Variants in GPC5 observed in about 807,000 individuals in gnomAD.
GPC5 encodes glypican-5.
GPC5 carries 47 observed loss-of-function variants against 53.9 expected under a neutral mutation model. That is an observed-to-expected ratio of 0.87 (90% CI 0.69 to 1.11). GPC5 has a LOEUF of 1.11. Among genes scored for constraint, GPC5 ranks in the 50% most tolerant of loss-of-function variants. The pLI, the probability that GPC5 is intolerant of heterozygous loss-of-function variation, is 0.00. For missense variants in GPC5, 748 were observed against 713.1 expected (o/e 1.05, Z -0.56); for synonymous variants, 286 against 263.3 (o/e 1.09, Z -0.84).
intron 7 of GPC5, among the ~76,000 whole-genome samples, chr13:92,481,045 G>C (rs1594238298): frequency 6.6e-6 from 1 of 152,034 alleles, no homozygotes; most frequent in South Asian, 2.1e-4. Context: ...CACTCAGTGG[G>C]TTCTACTTCA....
rs1187376339 is a variant in GPC5, at chr13:92,362,207, T to C, written c.1561+217218T>C. Among the ~76,000 whole-genome samples the C allele has an allele frequency of 2.0e-5, 3 of 151,722 alleles. 1 individual carries two copies. Among genetic ancestry groups the C allele is most frequent in the African/African-American group, 7.3e-5 (3 of 41,018 alleles). On this transcript the variant is annotated intron_variant, in intron 7 of 7. Coordinates refer to ENST00000377067, the MANE Select transcript of GPC5 (RefSeq NM_004466.6). ...GTTTCAGATATGTTTGTTGAGTTTGTGCATCCATTTTGCAGTGTTTTCCTT... is the reference window on the plus strand; with the variant it reads ...GTTTCAGATATGTTTGTTGAGTTTGCGCATCCATTTTGCAGTGTTTTCCTT...
At chr13:91,537,295 A>C (rs1407983064) in intron 2 of GPC5, among the ~76,000 whole-genome samples, 1 of 152,148 alleles carries the variant, frequency 6.6e-6, no homozygotes, top group Non-Finnish European at 1.5e-5. Flanking sequence ...TTTTAGATAG[A>C]CTGAACAAGA....
At chr13:92,205,189 TTTTG>T (rs565754782) in intron 7 of GPC5, among the ~76,000 whole-genome samples, 104 of 152,276 alleles carry the variant, frequency 6.8e-4, no homozygotes, top group Non-Finnish European at 1.3e-3. Flanking sequence ...TGTTTTGTTT[TTTTG>T]TTTGTTTGTT....
chr13:91,831,273 G>A (rs1404477268), intron 5 of GPC5, among the ~76,000 whole-genome samples: 1 of 151,406 alleles, frequency 6.6e-6, no homozygotes, highest in African/African-American at 2.4e-5. Flanking sequence ...AGAGAAAGAT[G>A]CAGGCTGGGA....
At chr13:91,921,665 G>A (rs895533880) in intron 6 of GPC5, among the ~76,000 whole-genome samples, 3 of 151,864 alleles carry the variant, frequency 2.0e-5, no homozygotes, top group African/African-American at 4.8e-5. Flanking sequence ...CCAAAACTAC[G>A]GCAGATGGGG....
At chr13:91,797,307 C>T (rs1203129737) in intron 5 of GPC5, among the ~76,000 whole-genome samples, 4 of 152,038 alleles carry the variant, frequency 2.6e-5, no homozygotes, top group Non-Finnish European at 4.4e-5. Context: ...TTAAAGTTTA[C>T]AGACATTGTT....
chr13:91,747,432 A>G (rs1196571781), intron 4 of GPC5, among the ~76,000 whole-genome samples: 3 of 152,212 alleles, frequency 2.0e-5, no homozygotes, highest in African/African-American at 7.2e-5. Context: ...ACAAGGCTGC[A>G]GGCTATGAAT....
chr13:92,483,739 G>A (rs1453234721), intron 7 of GPC5, among the ~76,000 whole-genome samples: 2 of 150,796 alleles, frequency 1.3e-5, no homozygotes, highest in East Asian at 1.9e-4. Context: ...ATACTGTACA[G>A]TTATACCTGA....
chr13:92,762,174 T>C (rs1875206683), intron 7 of GPC5, among the ~76,000 whole-genome samples: 1 of 152,056 alleles, frequency 6.6e-6, no homozygotes, highest in Non-Finnish European at 1.5e-5. Flanking sequence ...ATATCTCTAG[T>C]ATGAAGGCTA....
chr13:91,836,469 C>T (rs2038723932), intron 5 of GPC5, among the ~76,000 whole-genome samples: 1 of 152,016 alleles, frequency 6.6e-6, no homozygotes, highest in Non-Finnish European at 1.5e-5. Flanking sequence ...CTGCTTAAAA[C>T]ATAGCACTTA....
chr13:92,394,380 C>G (rs1036877614), intron 7 of GPC5, among the ~76,000 whole-genome samples: 1 of 152,106 alleles, frequency 6.6e-6, no homozygotes, highest in East Asian at 1.9e-4. Context: ...CTTTGAGAGG[C>G]ACTTATGTAA....
At chr13:92,511,683 G>A (rs1880572328) in intron 7 of GPC5, among the ~76,000 whole-genome samples, 1 of 152,116 alleles carries the variant, frequency 6.6e-6, no homozygotes, top group Non-Finnish European at 1.5e-5. Context: ...TTAACCTTAA[G>A]AGATGCATAT....
At chr13:91,724,657 C>T (rs2036541237) in intron 3 of GPC5, among the ~76,000 whole-genome samples, 1 of 151,752 alleles carries the variant, frequency 6.6e-6, no homozygotes, top group South Asian at 2.1e-4. Flanking sequence ...GAGACCAGCC[C>T]TGGCAACATA....
At chr13:91,501,241 T>G (rs964868251) in intron 2 of GPC5, among the ~76,000 whole-genome samples, 6 of 114,234 alleles carry the variant, frequency 5.3e-5, no homozygotes, top group Non-Finnish European at 8.1e-5. Context: ...TAAGACTTTG[T>G]TTTTTTTTTT....
intron 5 of GPC5, among the ~76,000 whole-genome samples, chr13:91,801,253 TTGTGTGTGTGTGTGTGTGTGTG>T (rs71113762): frequency 1.4e-5 from 2 of 146,296 alleles, no homozygotes; most frequent in African/African-American, 5.0e-5. Context: ...CATCCATACT[TTGTGTGTGTGTGTGTGTGTGTG>T]TGTGTGTGTG....
At position 92,366,170 on chromosome 13, in the gene GPC5, C is replaced by T. The variant is rs146440821; in HGVS notation, c.1561+221181C>T. Among the ~76,000 whole-genome samples, 281 of 151,662 alleles carry T rather than the reference C, an allele frequency of 1.9e-3. 8 individuals carry two copies. Among genetic ancestry groups the T allele is most frequent in the African/African-American group, 6.3e-3 (260 of 41,040 alleles). ...TAGCTGTATTATGATTGTATGTGGC[C>T]ACTGTCATATAGGTGGTCTGTTGTT... On this transcript the variant is annotated intron_variant, in intron 7 of 7. Transcript: ENST00000377067.
chr13:91,406,461 G>A (rs976294746), intron 1 of GPC5, among the ~76,000 whole-genome samples: 2 of 152,092 alleles, frequency 1.3e-5, no homozygotes, highest in African/African-American at 2.4e-5. Flanking sequence ...ACCCAACTCC[G>A]ATTTTTATAC....
At chr13:92,289,746 T>G (rs1037484158) in intron 7 of GPC5, among the ~76,000 whole-genome samples, 22 of 152,004 alleles carry the variant, frequency 1.4e-4, no homozygotes, top group African/African-American at 5.3e-4. Flanking sequence ...TATGCTGATA[T>G]CAAAGTATCA....
chr13:91,498,569 G>C (rs1290084288), intron 2 of GPC5, among the ~76,000 whole-genome samples: 2 of 152,142 alleles, frequency 1.3e-5, no homozygotes, highest in African/African-American at 4.8e-5. Context: ...AAATGTAGTA[G>C]GTTGGGGAAT....
Sources: gnomAD v4.1 joint callset for allele counts (sites outside exome capture counted in the v4.1 genomes callset) on GRCh38, gnomAD v4.1.1 for gene constraint, MANE v1.5 for transcripts, NCBI Gene and HGNC (gene_info 2026-07-23, HGNC 2026-07-21) for gene names.